Variants in MYH11 observed in about 807,000 individuals in gnomAD.
MYH11 encodes the protein myosin-11.
MYH11 carries 80 observed loss-of-function variants against 246.6 expected under a neutral mutation model. The ratio of observed to expected loss-of-function variants is 0.32; its 90% CI spans 0.27 to 0.39. The LOEUF is 0.39. MYH11 is among the 10% of genes least tolerant of loss of function. MYH11 has a pLI of 1.00. For missense variants in MYH11, 2,158 were observed against 2,546.8 expected (o/e 0.85, Z 3.29); for synonymous variants, 1,071 against 1,015.5 (o/e 1.05, Z -1.04).
intron 10 of MYH11, among the ~76,000 whole-genome samples, chr16:15,761,963 C>A (rs2041877138): frequency 6.6e-6 from 1 of 152,132 alleles, no homozygotes; most frequent in African/African-American, 2.4e-5. Context: ...TTGGCAGGAA[C>A]TTAGTTTATA....
At chr16:15,765,422 C>A (rs932233) in intron 9 of MYH11, among the ~76,000 whole-genome samples, 1 of 151,698 alleles carries the variant, frequency 6.6e-6, no homozygotes, top group Non-Finnish European at 1.5e-5. Context: ...GGAATGGATA[C>A]AGCATTGATG....
chr16:15,760,454 T>C lies in MYH11; in HGVS notation c.1248+86A>G, dbSNP rs1265092972. 15 of 1,039,158 alleles carry C rather than the reference T, an allele frequency of 1.4e-5. No homozygotes were observed. The East Asian group carries it at 3.3e-4, about 23-fold the overall frequency. The allele number at this position is 1,039,158 out of a possible 1,614,324, so 64.4% of individuals were successfully genotyped here. A position where few individuals can be genotyped will look rare whatever the true frequency, so the allele number is the denominator to read the frequency against. ...GACCATGGGTGAATGGATTAATGAA[T>C]ACATGAATGAGTGAACAGGTGGATA... On this transcript the variant is annotated intron_variant, in intron 11 of 40. Coordinates refer to ENST00000300036, the MANE Select transcript of MYH11 (RefSeq NM_002474.3).
intron 3 of MYH11, among the ~76,000 whole-genome samples, chr16:15,801,688 G>A (rs898339487): frequency 6.6e-6 from 1 of 150,988 alleles, no homozygotes; most frequent in South Asian, 2.1e-4. Flanking sequence ...TGGGTGCGGT[G>A]GCTCACACTT....
intron 3 of MYH11, among the ~76,000 whole-genome samples, chr16:15,799,216 C>T (rs752139128): frequency 1.3e-5 from 2 of 152,130 alleles, no homozygotes; most frequent in African/African-American, 2.4e-5. Context: ...TCACCCCTAC[C>T]GTCATGTACA....
intron 37 of MYH11, 95 bp from the exon 38 acceptor site, chr16:15,717,443 C>T (rs562949950): frequency 1.7e-5 from 23 of 1,325,440 alleles, no homozygotes; most frequent in South Asian, 1.2e-4. Flanking sequence ...GGCCTCTGCA[C>T]GAGTCCCTTG....
chr16:15,705,984 CAAAAAAAAAAAAAAAAA>C (rs57451847), intron 40 of MYH11, among the ~76,000 whole-genome samples: 9 of 56,764 alleles, frequency 1.6e-4, no homozygotes, highest in African/African-American at 1.0e-3. Flanking sequence ...GACTCCGTCT[CAAAAAAAAAAAAAAAAA>C]AAAATCAAGG....
chr16:15,813,097 G>A (rs2043178053), intron 3 of MYH11, among the ~76,000 whole-genome samples: 1 of 152,116 alleles, frequency 6.6e-6, no homozygotes, highest in African/African-American at 2.4e-5. Context: ...AACCCAGGAG[G>A]TGGAGGTTGC....
At chr16:15,725,517 T>C (rs1429096465) in intron 28 of MYH11, 1 of 420,448 alleles carries the variant, frequency 2.4e-6, no homozygotes. Flanking sequence ...GTCCTCTCTG[T>C]ATTCTCTGGC....
chr16:15,738,730 T>G, intron 23 of MYH11, 42 bp from the exon 24 acceptor site: 1 of 1,607,616 alleles, frequency 6.2e-7, no homozygotes, highest in South Asian at 1.1e-5. Context: ...GGATTTTTCT[T>G]TTCTCTAGAA....
At chr16:15,840,511 C>G (rs900818958) in intron 1 of MYH11, among the ~76,000 whole-genome samples, 2 of 152,130 alleles carry the variant, frequency 1.3e-5, no homozygotes, top group Admixed American at 1.3e-4. Context: ...ACAGGAGGAT[C>G]CCTTGAGGCC....
At chr16:15,742,998 CTTTTT>C (rs57274938) in intron 20 of MYH11, among the ~76,000 whole-genome samples, 3 of 131,162 alleles carry the variant, frequency 2.3e-5, no homozygotes, top group Admixed American at 7.8e-5. Context: ...AGGTAGAAGT[CTTTTT>C]TTTTTTTTTT....
chr16:15,748,677 G>A (rs1448965994), intron 16 of MYH11, among the ~76,000 whole-genome samples: 1 of 152,094 alleles, frequency 6.6e-6, no homozygotes, highest in Non-Finnish European at 1.5e-5. Flanking sequence ...GTCCAGTGGT[G>A]CGATCATGGC....
intron 3 of MYH11, among the ~76,000 whole-genome samples, chr16:15,817,889 C>A (rs1306937695): frequency 6.6e-6 from 1 of 152,182 alleles, no homozygotes; most frequent in East Asian, 1.9e-4. Context: ...GCTTATAAAG[C>A]CCCACCTCTC....
chr16:15,788,630 A>T (rs959208766), intron 4 of MYH11, among the ~76,000 whole-genome samples: 1 of 152,190 alleles, frequency 6.6e-6, no homozygotes. Context: ...TCTGATGGCC[A>T]AGAATGATGA....
intron 31 of MYH11, 47 bp from the exon 32 acceptor site, chr16:15,721,681 G>C: frequency 1.9e-6 from 3 of 1,597,924 alleles, no homozygotes; most frequent in Non-Finnish European, 2.6e-6. Context: ...TCCGGGGTCA[G>C]CGTCACTGAA....
At chr16:15,746,815 C>G (rs1314668472) in intron 19 of MYH11, among the ~76,000 whole-genome samples, 1 of 152,168 alleles carries the variant, frequency 6.6e-6, no homozygotes, top group Non-Finnish European at 1.5e-5. Context: ...AGGCTGGGCG[C>G]AGTGGGTCAT....
intron 2 of MYH11, among the ~76,000 whole-genome samples, chr16:15,831,951 G>C (rs1420913116): frequency 1.3e-5 from 2 of 151,434 alleles, no homozygotes; most frequent in African/African-American, 4.9e-5. Context: ...AAAAAAAAAA[G>C]ATCAGAAGGG....
At chr16:15,828,857 T>C (rs1036318368) in intron 2 of MYH11, among the ~76,000 whole-genome samples, 7 of 127,644 alleles carry the variant, frequency 5.5e-5, no homozygotes, top group African/African-American at 2.0e-4. Context: ...AGATGAGAGA[T>C]AGAGAAAAGA....
At chr16:15,783,371 GGAAA>G (rs2042399521) in intron 5 of MYH11, 1 of 152,238 alleles carries the variant, frequency 6.6e-6, no homozygotes, top group African/African-American at 2.4e-5. Context: ...ACAGGAGCCG[GGAAA>G]GTGTCTAGAG....
Sources: gnomAD v4.1 joint callset for allele counts (sites outside exome capture counted in the v4.1 genomes callset) on GRCh38, gnomAD v4.1.1 for gene constraint, MANE v1.5 for transcripts, NCBI Gene and HGNC (gene_info 2026-07-23, HGNC 2026-07-21) for gene names.